Variants in SLC6A9 observed in about 807,000 individuals in gnomAD.
The protein encoded by SLC6A9 is solute carrier family 6 member 9.
Under a neutral mutation model 70.9 loss-of-function variants are expected in SLC6A9, and 31 were observed. That is an observed-to-expected ratio of 0.44 (90% confidence interval 0.33 to 0.59). The LOEUF (loss-of-function observed/expected upper bound fraction) is 0.59. SLC6A9 is among the 20% of genes least tolerant of loss of function. SLC6A9 has a pLI of 0.04. For missense variants in SLC6A9, 631 were observed against 845.2 expected (o/e 0.75, Z 3.14); for synonymous variants, 310 against 341.3 (o/e 0.91, Z 1.01).
rs2086104441 is a variant in SLC6A9, at chr1:44,001,509, C to T, written c.1081G>A (p.Asp361Asn). 6.2e-7 allele frequency: 1 copy of T among 1,614,112 alleles called. No individual in the cohort carries two copies. Among genetic ancestry groups the T allele is most frequent in the African/African-American group, 1.3e-5 (1 of 74,942 alleles). The change falls in exon 9 of 14, where the codon GAC (aspartate) becomes AAC (asparagine). Residue 361 changes from aspartate to asparagine, a missense_variant. By Grantham distance (23) the Asp-to-Asn change is conservative. Coordinates refer to ENST00000372310, the MANE Select transcript of SLC6A9 (RefSeq NM_001024845.3). ...ACGAAGGCCAGGCCAGGGCCGTGGT[C>T]TGCCACACGGGACACATCCACGCCC... Reference protein sequence around the residue: ...HLGVDVSRVADHGPGLAFVAY... With the variant: ...HLGVDVSRVANHGPGLAFVAY...
rs202024190 is a variant in SLC6A9 at position 44,001,084 on chromosome 1, C to T, written c.1336-29G>A. ...GGGAACAGCGGGCAGCTGTGGGAGG[C>T]GCCTGCAGCCCGGGCTCCCCAACCC... On this transcript the variant is annotated intron_variant, in intron 10 of 13. Coordinates refer to ENST00000372310, the MANE Select transcript of SLC6A9 (RefSeq NM_001024845.3). The T allele has an allele frequency of 2.4e-4, 382 of 1,601,590 alleles. 1 individual carries two copies. The highest frequency in any genetic ancestry group is 1.5e-3 in the Admixed American group (91 of 59,232).
Position 43,997,674 on chromosome 1 carries a change from C to G in SLC6A9, c.1773G>C (p.Gly591=), listed in dbSNP as rs61733176. The part of the protein sequence containing the change: ...WGPALLEHRT[G]RYAPTIAPSP... ...AGGGGGCTATGGTGGGGGCGTAGCG[C>G]CCTGTCCGGTGCTCCAGGAGGGCAG... Residue 591 remains glycine (G), a synonymous_variant, in exon 14 of 14, where the codon GGG becomes GGC. Coordinates refer to ENST00000372310, the MANE Select transcript of SLC6A9 (RefSeq NM_001024845.3). This position sits in a 1 kb window ranked among gnomAD's most constrained non-coding sequence, Gnocchi z 4.4. 6.2e-7 allele frequency: 1 copy of G among 1,613,250 alleles called. No homozygotes were observed. The highest frequency in any genetic ancestry group is 1.1e-5 in the South Asian group (1 of 91,062).
rs773448583 is a variant in SLC6A9, at chr1:43,997,899, C to T, written c.1663G>A (p.Ala555Thr). 9.9e-6 allele frequency: 16 copies of T among 1,613,768 alleles called. No individual in the cohort carries two copies. Among genetic ancestry groups the T allele is most frequent in the African/African-American group, 1.3e-5 (1 of 74,904 alleles). The change falls in exon 13 of 14, where the codon GCC becomes ACC. Residue 555 changes from alanine to threonine, a missense_variant. Ala to Thr is a moderately conservative substitution (Grantham distance 58). Transcript: ENST00000372310. This position sits in a 1 kb window ranked among gnomAD's most constrained non-coding sequence, Gnocchi z 4.4. ...LSSVLCIPLY[A>T]MFRLCRTDGD... is the part of the protein sequence containing the mutation. ...TCTGTGCGGCAGAGCCGGAACATGG[C>T]GTAGAGGGGGATGCAGAGGACGGAG...
At position 44,002,688 on chromosome 1, in the gene SLC6A9, T is replaced by TC. The variant is rs1557671935; in HGVS notation, c.724-43dup. ...CCATGGACTCTTCTGGGCTCTCCCC[T>TC]CCCCTGGGCACCACCACCCTGGCTC... On this transcript the variant is annotated intron_variant, in intron 6 of 13. Transcript: ENST00000372310. This position sits in a 1 kb window ranked among gnomAD's most constrained non-coding sequence, Gnocchi z 5.5. 1.9e-6 allele frequency: 3 copies of TC among 1,611,222 alleles called. No individual in the cohort carries two copies. The highest frequency in any genetic ancestry group is 2.5e-6 in the Non-Finnish European group (3 of 1,177,978).
chr1:43,998,196 G>A (rs765641942), intron 12 of SLC6A9, among the ~76,000 whole-genome samples, 171 bp from the exon 13 acceptor site: 3 of 152,128 alleles, frequency 2.0e-5, no homozygotes, highest in Admixed American at 6.5e-5. Context: ...AGGCAGGGCC[G>A]GGGGCCGGAG....
chr1:43,999,970 C>A (rs1027249901), intron 12 of SLC6A9, among the ~76,000 whole-genome samples: 1 of 152,232 alleles, frequency 6.6e-6, no homozygotes, highest in Non-Finnish European at 1.5e-5. Context: ...ATTCCTCCCT[C>A]CTGCAGAGGT....
chr1:44,001,140 G>T, intron 10 of SLC6A9, 24 bp downstream of exon 10: 1 of 1,614,188 alleles, frequency 6.2e-7, no homozygotes, highest in Non-Finnish European at 8.5e-7. Context: ...CTCTGGGCCA[G>T]CCCTTCCCTT....
At chr1:44,010,452 T>TGGGC (rs2086506962) in intron 3 of SLC6A9, 1 of 95,822 alleles carries the variant, frequency 1.0e-5, no homozygotes, top group Non-Finnish European at 1.9e-5. Flanking sequence ...GGGAGCCTTG[T>TGGGC]GGGCGGGGGG....
intron 1 of SLC6A9, among the ~76,000 whole-genome samples, chr1:44,027,902 G>A (rs1007338135): frequency 6.6e-6 from 1 of 152,182 alleles, no homozygotes; most frequent in African/African-American, 2.4e-5. Context: ...TTGAATCCAG[G>A]AGGCAGAGGT....
At chr1:44,023,496 G>T (rs1032225570) in intron 2 of SLC6A9, among the ~76,000 whole-genome samples, 9 of 152,096 alleles carry the variant, frequency 5.9e-5, no homozygotes, top group Admixed American at 4.6e-4. Flanking sequence ...TACAAAATTA[G>T]CTAGGCATGG....
chr1:44,015,600 C>A (rs1214399110), intron 2 of SLC6A9, among the ~76,000 whole-genome samples: 1 of 152,230 alleles, frequency 6.6e-6, no homozygotes, highest in African/African-American at 2.4e-5. Flanking sequence ...ACAGAACAGC[C>A]ATTACAGTAA....
chr1:44,000,679 G>A, intron 12 of SLC6A9, 88 bp downstream of exon 12: 1 of 846,364 alleles, frequency 1.2e-6, no homozygotes, highest in South Asian at 1.6e-5. Flanking sequence ...AGGTGCGGGA[G>A]CTCCCACTGT....
rs902946820 is a variant in SLC6A9, at chr1:44,018,321, G to A, written c.30+5927C>T. Among the ~76,000 whole-genome samples, 1 of 152,090 alleles carries A rather than the reference G, an allele frequency of 6.6e-6. No homozygotes were observed. The highest frequency in any genetic ancestry group is 6.5e-5 in the Admixed American group (1 of 15,268). ...AAAATTTAAAAACAGGGCCAGGTAC[G>A]GTGGCTCACGCCTGTAATCCCAGCA... On this transcript the variant is annotated intron_variant, in intron 2 of 13. Transcript: ENST00000372310. The surrounding 1 kb of genome is among the most constrained non-coding windows in gnomAD (Gnocchi z 4.2).
At chr1:44,027,625 C>G (rs1269279191) in intron 1 of SLC6A9, among the ~76,000 whole-genome samples, 1 of 152,240 alleles carries the variant, frequency 6.6e-6, no homozygotes, top group Non-Finnish European at 1.5e-5. Context: ...GGTATCTGCA[C>G]TCCTGCAGCT....
Position 44,002,377 on chromosome 1 carries a change from C to T in SLC6A9, c.898G>A (p.Gly300Ser). The T allele has an allele frequency of 6.2e-7, 1 of 1,614,098 alleles. No individual in the cohort carries two copies. Among genetic ancestry groups the T allele is most frequent in the Non-Finnish European group, 8.5e-7 (1 of 1,180,002 alleles). Reference sequence around the variant, plus strand: ...GTGATGAGGCCTCCCCACGCGCAGCCCAGTGAGTAGAAGATCTGGGAGGCA... The same window carrying T: ...GTGATGAGGCCTCCCCACGCGCAGCTCAGTGAGTAGAAGATCTGGGAGGCA... ...DAASQIFYSL[G>S]CAWGGLITMA... Residue 300 changes from glycine to serine, a missense_variant, in exon 8 of 14, where the codon GGC becomes AGC. By Grantham distance (56) the Gly-to-Ser change is moderately conservative (BLOSUM62 0). Coordinates refer to ENST00000372310, the MANE Select transcript of SLC6A9 (RefSeq NM_001024845.3). The surrounding 1 kb of genome is among the most constrained non-coding windows in gnomAD (Gnocchi z 5.5).
intron 1 of SLC6A9, among the ~76,000 whole-genome samples, chr1:44,025,758 C>T (rs1054182883): frequency 9.9e-5 from 15 of 151,006 alleles, no homozygotes; most frequent in Admixed American, 4.0e-4. Flanking sequence ...CGAGATTGCG[C>T]GACTGCACTC....
At position 44,002,973 on chromosome 1, in the gene SLC6A9, C is replaced by T; in HGVS notation, c.603G>A (p.Leu201=). The T allele has an allele frequency of 6.2e-7, 1 of 1,614,144 alleles. No homozygotes were observed. Among genetic ancestry groups the T allele is most frequent in the East Asian group, 2.2e-5 (1 of 44,890 alleles). The change falls in exon 6 of 14, where the codon CTG becomes CTA. Residue 201 remains leucine (L), a synonymous_variant. Coordinates refer to ENST00000372310, the MANE Select transcript of SLC6A9 (RefSeq NM_001024845.3). This position sits in a 1 kb window ranked among gnomAD's most constrained non-coding sequence, Gnocchi z 5.5. The stretch of plus-strand genomic sequence containing the variant: ...AGTTCCCAATGTCATCTGACAGCTT[C>T]AGCACGTACAGCCTGGGAAGGGGAG... The part of the protein sequence containing the change: ...PSEEYWRLYV[L]KLSDDIGNFG...
At chr1:44,022,590 G>A (rs2086902716) in intron 2 of SLC6A9, among the ~76,000 whole-genome samples, 1 of 152,106 alleles carries the variant, frequency 6.6e-6, no homozygotes, top group Non-Finnish European at 1.5e-5. Context: ...CTGGCCTGAG[G>A]GTTGGGGCCA....
chr1:44,002,192 C>T lies in SLC6A9; in HGVS notation c.962+121G>A, dbSNP rs1195182537. On this transcript the variant is annotated intron_variant, in intron 8 of 13. Transcript: ENST00000372310. This position sits in a 1 kb window ranked among gnomAD's most constrained non-coding sequence, Gnocchi z 5.5. ...ACAACTTTATCCAGAACCAGTATTC[C>T]CAGAACCTCAAGATCATGAGGGGAA... 5 of 710,816 alleles carry T rather than the reference C, an allele frequency of 7.0e-6. No homozygotes were observed. Among genetic ancestry groups the T allele is most frequent in the Non-Finnish European group, 1.3e-5 (5 of 391,546 alleles). The allele number at this position is 710,816 out of a possible 1,614,324, so 44.0% of individuals were successfully genotyped here. A position where few individuals can be genotyped will look rare whatever the true frequency, so the allele number is the denominator to read the frequency against.
Sources: allele counts gnomAD v4.1 joint callset (sites outside exome capture counted in the v4.1 genomes callset), GRCh38; gene constraint gnomAD v4.1.1; non-coding constraint Gnocchi (gnomAD v3.1); transcripts MANE v1.5; gene names NCBI Gene and HGNC (gene_info 2026-07-23, HGNC 2026-07-21).